ZNF385D: variants seen among roughly 807,000 people sequenced by gnomAD.
The protein encoded by ZNF385D is zinc finger protein 385D.
ZNF385D carries 15 observed loss-of-function variants against 35.8 expected under a neutral mutation model. The observed-to-expected ratio is 0.42, with a 90% CI of 0.28 to 0.64. The LOEUF (loss-of-function observed/expected upper bound fraction) is 0.64, where lower values mean the gene tolerates loss of function less well. Among genes scored for constraint, ZNF385D ranks in the 30% least tolerant of loss-of-function variants. The probability of loss-of-function intolerance (pLI) is 0.23; values close to 1 mark genes in which losing one functional copy is unlikely to be tolerated. For synonymous variants in ZNF385D, 212 were observed against 186.8 expected (o/e 1.13, Z -1.10); for missense variants, 474 against 494.6 (o/e 0.96, Z 0.39).
intron 3 of ZNF385D, among the ~76,000 whole-genome samples, chr3:21,980,928 T>C (rs1174365952): frequency 2.0e-5 from 3 of 152,202 alleles, no homozygotes; most frequent in African/African-American, 4.8e-5. Flanking sequence ...TAGCATTCCA[T>C]GGTATATATG....
At chr3:22,036,243 G>A (rs532978143) in intron 3 of ZNF385D, among the ~76,000 whole-genome samples, 1 of 152,208 alleles carries the variant, frequency 6.6e-6, no homozygotes, top group African/African-American at 2.4e-5. Flanking sequence ...TAAACAACAG[G>A]GAAGAATACA....
chr3:22,150,391 C>G (rs1705146851), intron 3 of ZNF385D, among the ~76,000 whole-genome samples: 1 of 151,902 alleles, frequency 6.6e-6, no homozygotes, highest in South Asian at 2.1e-4. Flanking sequence ...TGTATTCATA[C>G]TAGATTTTAC....
At chr3:21,545,991 A>C (rs1277941981) in intron 3 of ZNF385D, among the ~76,000 whole-genome samples, 1 of 152,204 alleles carries the variant, frequency 6.6e-6, no homozygotes, top group Non-Finnish European at 1.5e-5. Context: ...CCTTTGTAGA[A>C]ATAATTATTC....
chr3:22,369,752 T>C (rs1368557633), intron 2 of ZNF385D, among the ~76,000 whole-genome samples: 1 of 152,190 alleles, frequency 6.6e-6, no homozygotes, highest in African/African-American at 2.4e-5. Context: ...TAATTACAGC[T>C]AGTGAAGAAA....
chr3:21,684,413 CT>C (rs1470938992), intron 1 of ZNF385D, among the ~76,000 whole-genome samples: 3 of 73,868 alleles, frequency 4.1e-5, no homozygotes, highest in East Asian at 5.9e-4. Context: ...TCCTCTCTCT[CT>C]CTCTCTCTCT....
At chr3:21,926,467 TC>T (rs1484262026) in intron 3 of ZNF385D, among the ~76,000 whole-genome samples, 7 of 152,190 alleles carry the variant, frequency 4.6e-5, no homozygotes, top group African/African-American at 1.7e-4. Context: ...CACGAACTCA[TC>T]CTTTTTTATG....
chr3:21,586,056 CACAT>C (rs962493283), intron 2 of ZNF385D, among the ~76,000 whole-genome samples: 1 of 149,158 alleles, frequency 6.7e-6, no homozygotes, highest in African/African-American at 2.5e-5. Context: ...CACACACACA[CACAT>C]TTGGGCATGG....
chr3:22,229,410 T>G (rs550548524), intron 2 of ZNF385D, among the ~76,000 whole-genome samples: 5 of 152,268 alleles, frequency 3.3e-5, no homozygotes, highest in African/African-American at 1.2e-4. Flanking sequence ...TTTTCAGCAT[T>G]CAGTGAGGGG....
intron 3 of ZNF385D, among the ~76,000 whole-genome samples, chr3:21,807,387 C>G (rs1335146907): frequency 6.6e-6 from 1 of 152,116 alleles, no homozygotes; most frequent in Non-Finnish European, 1.5e-5. Context: ...TCTAATTTGT[C>G]TCACCTGTTT....
At chr3:21,426,756 TA>T (rs1234752480) in intron 5 of ZNF385D, among the ~76,000 whole-genome samples, 10 of 152,106 alleles carry the variant, frequency 6.6e-5, no homozygotes, top group African/African-American at 2.4e-4. Context: ...CACTAAATGT[TA>T]ATGAGGAAAA....
chr3:21,741,318 T>C (rs983960125), intron 1 of ZNF385D, among the ~76,000 whole-genome samples: 1 of 152,226 alleles, frequency 6.6e-6, no homozygotes, highest in Non-Finnish European at 1.5e-5. Flanking sequence ...ACTTTTCTTT[T>C]AAAGGAAAAA....
chr3:22,315,182 G>T (rs189263990), intron 2 of ZNF385D, among the ~76,000 whole-genome samples: 89 of 152,304 alleles, frequency 5.8e-4, no homozygotes, highest in African/African-American at 2.0e-3. Flanking sequence ...AGAAGAAATA[G>T]GATTTGGGAA....
chr3:21,962,635 T>C (rs1702659229), intron 3 of ZNF385D, among the ~76,000 whole-genome samples: 2 of 152,214 alleles, frequency 1.3e-5, no homozygotes, highest in South Asian at 2.1e-4. Context: ...AGAAGGGAAA[T>C]GTGGTCAATA....
chr3:21,967,756 C>T (rs1221366177), intron 3 of ZNF385D, among the ~76,000 whole-genome samples: 2 of 152,156 alleles, frequency 1.3e-5, no homozygotes, highest in Non-Finnish European at 2.9e-5. Flanking sequence ...ACTTGAGTGA[C>T]CAAAATTCCA....
At chr3:21,844,138 T>C (rs1191935482) in intron 3 of ZNF385D, among the ~76,000 whole-genome samples, 1 of 152,004 alleles carries the variant, frequency 6.6e-6, no homozygotes, top group Admixed American at 6.6e-5. Context: ...TTATGTAATT[T>C]AACCTTAAAA....
chr3:22,099,568 A>G (rs1334365978), intron 3 of ZNF385D, among the ~76,000 whole-genome samples: 5 of 152,120 alleles, frequency 3.3e-5, no homozygotes, highest in Admixed American at 3.3e-4. Context: ...AAGTGCTCAC[A>G]TAGGCTAACG....
chr3:21,598,126 T>C (rs6785887), intron 2 of ZNF385D, among the ~76,000 whole-genome samples: 133,553 of 152,230 alleles, frequency 0.88, 58,728 homozygotes, highest in African/African-American at 0.93. Flanking sequence ...TAGGAGATAA[T>C]CATTAGAGTC....
intron 2 of ZNF385D, among the ~76,000 whole-genome samples, chr3:22,215,014 C>T (rs1392537700): frequency 6.6e-6 from 1 of 151,956 alleles, no homozygotes; most frequent in African/African-American, 2.4e-5. Context: ...GATGTCTCCC[C>T]CAGACACCCA....
chr3:22,011,258 G>C (rs777110928), intron 3 of ZNF385D, among the ~76,000 whole-genome samples: 1 of 152,184 alleles, frequency 6.6e-6, no homozygotes, highest in African/African-American at 2.4e-5. Flanking sequence ...ACTATGGATA[G>C]ATGGTTATTT....
Sources: gnomAD v4.1 joint callset for allele counts (sites outside exome capture counted in the v4.1 genomes callset) on GRCh38, gnomAD v4.1.1 for gene constraint, MANE v1.5 for transcripts, NCBI Gene and HGNC (gene_info 2026-07-23, HGNC 2026-07-21) for gene names.